The following TDRD5 variants were observed in gnomAD, a reference collection of about 807,000 sequenced individuals.
The protein encoded by TDRD5 is tudor domain-containing protein 5.
In TDRD5, 41 loss-of-function variants were observed where a neutral mutation model predicts 120.6. That is an observed-to-expected ratio of 0.34 (90% CI 0.26 to 0.44). The LOEUF is 0.44. Among genes scored for constraint, TDRD5 ranks in the 20% least tolerant of loss-of-function variants. The pLI is 1.00. For missense variants in TDRD5, 1,006 were observed against 1,221.2 expected (o/e 0.82, Z 2.63); for synonymous variants, 430 against 433.7 (o/e 0.99, Z 0.11).
chr1:179,668,598 C>T (rs143711300), intron 16 of TDRD5, among the ~76,000 whole-genome samples: 250 of 152,250 alleles, frequency 1.6e-3, no homozygotes, highest in African/African-American at 5.8e-3. Context: ...TTCTCTCGTG[C>T]CCTGCCCCTC....
chr1:179,620,822 C>T (rs1676800966), intron 5 of TDRD5, among the ~76,000 whole-genome samples: 1 of 152,042 alleles, frequency 6.6e-6, no homozygotes, highest in Non-Finnish European at 1.5e-5. Flanking sequence ...ATAATCATTT[C>T]TCAACTCTGG....
intron 17 of TDRD5, among the ~76,000 whole-genome samples, chr1:179,670,320 C>T (rs917958571): frequency 1.1e-4 from 16 of 150,448 alleles, no homozygotes; most frequent in African/African-American, 3.2e-4. Flanking sequence ...TGAACCCAGG[C>T]GGCAGAGGTT....
At chr1:179,606,136 T>C (rs898838158) in intron 4 of TDRD5, among the ~76,000 whole-genome samples, 1 of 148,476 alleles carries the variant, frequency 6.7e-6, no homozygotes, top group Admixed American at 6.7e-5. Flanking sequence ...TTGGCCATTC[T>C]AATACTGTAT....
At chr1:179,636,139 G>C (rs949172528) in intron 9 of TDRD5, among the ~76,000 whole-genome samples, 4 of 152,058 alleles carry the variant, frequency 2.6e-5, no homozygotes, top group African/African-American at 9.7e-5. Flanking sequence ...TCCTTTTGTA[G>C]ATCTCTTTAA....
chr1:179,634,394 C>A, intron 7 of TDRD5, 63 bp from the exon 8 acceptor site: 1 of 1,517,482 alleles, frequency 6.6e-7, no homozygotes, highest in Non-Finnish European at 8.9e-7. Flanking sequence ...AACAAATATG[C>A]ATAGGCTGCT....
At position 179,680,315 on chromosome 1, in the gene TDRD5, G is replaced by C. The variant is rs555865058; in HGVS notation, c.2861-10381G>C. Reference sequence around the variant, plus strand: ...TTTCATAATATCAAGTCAAGGTGATGAATAGTGTTGTTTGAATCGTCTGTA... The same window carrying C: ...TTTCATAATATCAAGTCAAGGTGATCAATAGTGTTGTTTGAATCGTCTGTA... On this transcript the variant is annotated intron_variant, in intron 17 of 17. Coordinates refer to ENST00000444136, the MANE Select transcript of TDRD5 (RefSeq NM_001199085.3). Among the ~76,000 whole-genome samples the C allele has an allele frequency of 1.5e-3, 230 of 152,288 alleles. 2 individuals carry two copies. The highest frequency in any genetic ancestry group is 5.3e-3 in the African/African-American group (222 of 41,558).
chr1:179,632,649 T>C (rs1677521703), intron 7 of TDRD5, among the ~76,000 whole-genome samples: 1 of 152,190 alleles, frequency 6.6e-6, no homozygotes, highest in Admixed American at 6.5e-5. Flanking sequence ...GTTTAAACAA[T>C]TCCAACAATA....
intron 17 of TDRD5, among the ~76,000 whole-genome samples, chr1:179,690,403 T>G (rs901809429): frequency 7.9e-5 from 12 of 152,324 alleles, no homozygotes; most frequent in African/African-American, 2.6e-4. Flanking sequence ...TCCAATTTAT[T>G]TTTATGACAT....
intron 4 of TDRD5, among the ~76,000 whole-genome samples, chr1:179,613,853 C>A (rs1676415619): frequency 6.6e-6 from 1 of 152,144 alleles, no homozygotes; most frequent in Non-Finnish European, 1.5e-5. Context: ...TAGCATATAC[C>A]TAACAAATAT....
At chr1:179,683,222 G>A (rs1680525300) in intron 17 of TDRD5, among the ~76,000 whole-genome samples, 1 of 152,174 alleles carries the variant, frequency 6.6e-6, no homozygotes, top group Admixed American at 6.5e-5. Flanking sequence ...TCTCTCAGAG[G>A]TCACTGTCCT....
At chr1:179,623,625 CT>C (rs11428251) in intron 6 of TDRD5, among the ~76,000 whole-genome samples, 36 of 97,894 alleles carry the variant, frequency 3.7e-4, no homozygotes, top group African/African-American at 1.1e-3. Context: ...CCAACTCATT[CT>C]TTTTTTTTTT....
At chr1:179,643,044 A>G (rs1052539712) in intron 11 of TDRD5, among the ~76,000 whole-genome samples, 6 of 152,192 alleles carry the variant, frequency 3.9e-5, no homozygotes, top group African/African-American at 1.4e-4. Context: ...TGAGTTCCCA[A>G]ATCATTATAT....
At chr1:179,671,712 A>G (rs1442329171) in intron 17 of TDRD5, among the ~76,000 whole-genome samples, 7 of 152,048 alleles carry the variant, frequency 4.6e-5, no homozygotes, top group Non-Finnish European at 1.0e-4. Flanking sequence ...ACTGTACCCA[A>G]TGTGTAGTTT....
intron 4 of TDRD5, among the ~76,000 whole-genome samples, chr1:179,597,149 C>T (rs768729356): frequency 5.9e-5 from 9 of 152,040 alleles, no homozygotes; most frequent in Admixed American, 3.3e-4. Context: ...ACTGTGTTGT[C>T]ATTGTATTGA....
At chr1:179,622,729 A>G (rs192751684) in intron 6 of TDRD5, among the ~76,000 whole-genome samples, 43 of 152,292 alleles carry the variant, frequency 2.8e-4, no homozygotes, top group Admixed American at 2.1e-3. Flanking sequence ...AGAACAGAGA[A>G]ACAAAATAGA....
chr1:179,592,731 T>C lies in TDRD5; in HGVS notation c.116T>C (p.Val39Ala), dbSNP rs1389745673. The change falls in exon 2 of 18, where the codon GTT (valine) becomes GCT (alanine). Residue 39 changes from valine (V) to alanine (A), a missense_variant. This residue lies in a region of TDRD5 where 445 missense variants were observed against 515.5 expected (regional missense o/e 0.86). Coordinates refer to ENST00000444136, the MANE Select transcript of TDRD5 (RefSeq NM_001199085.3). ...TTGGAGAAGGAGTACCTTTTGATGG[T>C]TGGCAACCATCTACCACTCCGAATC... Reference protein sequence around the residue: ...QELEKEYLLMVGNHLPLRILG... With the variant: ...QELEKEYLLMAGNHLPLRILG... 1.9e-6 allele frequency: 3 copies of C among 1,614,164 alleles called. No individual in the cohort carries two copies. Among genetic ancestry groups the C allele is most frequent in the East Asian group, 2.2e-5 (1 of 44,880 alleles).
chr1:179,592,754 A>G lies in TDRD5; in HGVS notation c.139A>G (p.Ile47Val). 6.2e-7 allele frequency: 1 copy of G among 1,613,992 alleles called. No homozygotes were observed. Among genetic ancestry groups the G allele is most frequent in the Non-Finnish European group, 8.5e-7 (1 of 1,180,000 alleles). Residue 47 changes from isoleucine (I) to valine (V), a missense_variant, in exon 2 of 18, where the codon ATC becomes GTC. Around this residue, in one of 3 missense-constraint regions of TDRD5, gnomAD observed 445 missense variants for 515.5 expected, o/e 0.86. Coordinates refer to ENST00000444136, the MANE Select transcript of TDRD5 (RefSeq NM_001199085.3). Reference protein sequence around the residue: ...LMVGNHLPLRILGYRSTMELV... With the variant: ...LMVGNHLPLRVLGYRSTMELV... ...GGTTGGCAACCATCTACCACTCCGAATCCTTGGGTATCGGTCCACTATGGA... is the reference window on the plus strand; with the variant it reads ...GGTTGGCAACCATCTACCACTCCGAGTCCTTGGGTATCGGTCCACTATGGA...
At chr1:179,632,800 T>C (rs1677535081) in intron 7 of TDRD5, among the ~76,000 whole-genome samples, 2 of 152,136 alleles carry the variant, frequency 1.3e-5, no homozygotes, top group African/African-American at 4.8e-5. Flanking sequence ...TATGATGGGG[T>C]TCTATCCCAA....
At chr1:179,664,400 C>G (rs1013927951) in intron 16 of TDRD5, among the ~76,000 whole-genome samples, 1 of 152,020 alleles carries the variant, frequency 6.6e-6, no homozygotes, top group Non-Finnish European at 1.5e-5. Flanking sequence ...GCTATCACTA[C>G]AGTCTATTTT....
Sources: gnomAD v4.1 joint callset for allele counts (sites outside exome capture counted in the v4.1 genomes callset) on GRCh38, gnomAD v4.1.1 for gene constraint, gnomAD v4.1.1 regional missense constraint, MANE v1.5 for transcripts, NCBI Gene and HGNC (gene_info 2026-07-23, HGNC 2026-07-21) for gene names.